Variants in OPRPN observed in about 807,000 individuals in gnomAD.
The protein encoded by OPRPN is basic proline-rich lacrimal protein.
OPRPN carries 1 observed loss-of-function variant against 2.2 expected under a neutral mutation model. That is an observed-to-expected ratio of 0.45 (90% CI 0.16 to 2.15). The LOEUF (loss-of-function observed/expected upper bound fraction) is 2.15. Ranked by LOEUF, OPRPN falls within the 30% of genes most tolerant of loss-of-function variation. OPRPN has a pLI of 0.28. For synonymous variants in OPRPN, 126 were observed against 111.5 expected, an observed-to-expected ratio of 1.13 and a Z score of -0.82; for missense variants, 306 against 297.3, an observed-to-expected ratio of 1.03 and a Z score of -0.21.
intron 2 of OPRPN, among the ~76,000 whole-genome samples, chr4:70,408,863 C>T (rs777608292): frequency 1.3e-5 from 2 of 152,220 alleles, no homozygotes; most frequent in Non-Finnish European, 2.9e-5. Flanking sequence ...ATATCTTCCA[C>T]TGATTTCAGA....
At chr4:70,409,180 C>T (rs576817962) in intron 2 of OPRPN, among the ~76,000 whole-genome samples, 200 bp from the exon 3 acceptor site, 1 of 152,098 alleles carries the variant, frequency 6.6e-6, no homozygotes, top group South Asian at 2.1e-4. Flanking sequence ...CTTTGATTGC[C>T]CAGGCATCCA....
At chr4:70,407,672 T>C (rs897525370) in intron 2 of OPRPN, among the ~76,000 whole-genome samples, 2 of 152,148 alleles carry the variant, frequency 1.3e-5, no homozygotes, top group African/African-American at 4.8e-5. Flanking sequence ...AGGTTAAGAA[T>C]GAGATTCTTT....
intron 2 of OPRPN, among the ~76,000 whole-genome samples, chr4:70,408,218 G>T (rs1214172477): frequency 6.6e-6 from 1 of 152,196 alleles, no homozygotes; most frequent in Non-Finnish European, 1.5e-5. Flanking sequence ...ACACAGGAAG[G>T]AGTTGAATGT....
At chr4:70,406,219 G>A (rs1478924586) in intron 2 of OPRPN, among the ~76,000 whole-genome samples, 2 of 152,108 alleles carry the variant, frequency 1.3e-5, no homozygotes, top group African/African-American at 4.8e-5. Context: ...GCAACAAAAA[G>A]AACAAAGATA....
In OPRPN at chr4:70,409,623, T is replaced by C; in HGVS notation, c.295T>C (p.Phe99Leu). The change falls in exon 3 of 3, where the codon TTT (phenylalanine) becomes CTT (leucine). Residue 99 changes from phenylalanine to leucine, a missense_variant. Physicochemically the swap from Phe to Leu is conservative, Grantham distance 22 (BLOSUM62 0). Transcript: ENST00000399575. ...GGAATCTATTAGACAACCTCGACTC[T>C]TTCCGGGTTATCCAAACCTACATTT... Reference protein sequence around the residue: ...PLESIRQPRLFPGYPNLHFPL... With the variant: ...PLESIRQPRLLPGYPNLHFPL... 1.2e-6 allele frequency: 2 copies of C among 1,614,070 alleles called. No individual in the cohort carries two copies. Among genetic ancestry groups the C allele is most frequent in the Non-Finnish European group, 1.7e-6 (2 of 1,179,928 alleles).
rs185540261 is a variant in OPRPN at position 70,405,234 on chromosome 4, A to T, written c.52-4146A>T. Among the ~76,000 whole-genome samples, 7 of 152,328 alleles carry T rather than the reference A, an allele frequency of 4.6e-5. No individual in the cohort carries two copies. In the East Asian group the frequency reaches 1.3e-3, roughly 29 times the overall value. On this transcript the variant is annotated intron_variant, in intron 2 of 2. Transcript: ENST00000399575. ...TTTTCATCATTTGTCTAGGGTTATA[A>T]TGTTCACTACCATTGGCCAGTGGAG...
rs757268334 is a variant in OPRPN at position 70,409,529 on chromosome 4, A to T, written c.201A>T (p.Pro67=). 5 of 1,613,960 alleles carry T rather than the reference A, an allele frequency of 3.1e-6. No individual in the cohort carries two copies. Among genetic ancestry groups the T allele is most frequent in the Non-Finnish European group, 4.2e-6 (5 of 1,179,950 alleles). Residue 67 remains proline, a synonymous_variant, in exon 3 of 3, where the codon CCA becomes CCT. Transcript: ENST00000399575. ...LNSPLSLPFV[P]GRVPPSSFSR... ...CACCACTTTCTCTTCCCTTTGTCCC[A>T]GGGCGAGTTCCACCATCTTCTTTCT...
rs778024902 is a variant in OPRPN, at chr4:70,409,680, A to C, written c.352A>C (p.Arg118=). Reference sequence around the variant, plus strand: ...AAGACCTTACTATGTAGGACCTATTAGGATATTAAAACCCCCATTTCCTCC... The same window carrying C: ...AAGACCTTACTATGTAGGACCTATTCGGATATTAAAACCCCCATTTCCTCC... ...PLRPYYVGPI[R]ILKPPFPPIP... is the part of the protein sequence containing the mutation. Residue 118 remains arginine (R), a synonymous_variant, in exon 3 of 3, where the codon AGG becomes CGG. Transcript: ENST00000399575. 1 of 1,613,908 alleles carries C rather than the reference A, an allele frequency of 6.2e-7. No individual in the cohort carries two copies. Among genetic ancestry groups the C allele is most frequent in the Non-Finnish European group, 8.5e-7 (1 of 1,179,864 alleles).
chr4:70,403,103 G>A (rs1057210284), intron 2 of OPRPN, among the ~76,000 whole-genome samples: 1 of 152,008 alleles, frequency 6.6e-6, no homozygotes, highest in Non-Finnish European at 1.5e-5. Context: ...TATCTGAATG[G>A]CATCCATAAA....
intron 2 of OPRPN, among the ~76,000 whole-genome samples, chr4:70,400,304 A>G (rs1732948913): frequency 6.6e-6 from 1 of 151,952 alleles, no homozygotes; most frequent in Non-Finnish European, 1.5e-5. Context: ...GAGCAAATAA[A>G]TATCAATAGA....
intron 2 of OPRPN, among the ~76,000 whole-genome samples, chr4:70,400,496 C>T (rs566284561): frequency 4.6e-5 from 7 of 151,928 alleles, no homozygotes; most frequent in South Asian, 2.1e-4. Context: ...ATATCAGAAA[C>T]ACCTGATCCA....
At chr4:70,400,809 ATT>A (rs1005911811) in intron 2 of OPRPN, among the ~76,000 whole-genome samples, 6 of 152,042 alleles carry the variant, frequency 3.9e-5, no homozygotes, top group African/African-American at 1.2e-4. Flanking sequence ...TTTTGGTAGA[ATT>A]CCCCAAATAT....
intron 1 of OPRPN, among the ~76,000 whole-genome samples, chr4:70,398,887 A>G (rs188272916): frequency 6.6e-6 from 1 of 152,056 alleles, no homozygotes; most frequent in East Asian, 1.9e-4. Context: ...TCACAAATCT[A>G]TAGAAATCTG....
chr4:70,403,629 A>G (rs28686906), intron 2 of OPRPN, among the ~76,000 whole-genome samples: 17,476 of 152,166 alleles, frequency 0.11, 1,105 homozygotes, highest in East Asian at 0.21. Flanking sequence ...TATTTTTTCT[A>G]AAGAACATCA....
chr4:70,407,021 C>T (rs532249031), intron 2 of OPRPN, among the ~76,000 whole-genome samples: 1 of 152,112 alleles, frequency 6.6e-6, no homozygotes, highest in Non-Finnish European at 1.5e-5. Context: ...CTTCTCATGG[C>T]AACCCTGCTT....
chr4:70,406,005 T>C (rs1165291274), intron 2 of OPRPN, among the ~76,000 whole-genome samples: 1 of 151,392 alleles, frequency 6.6e-6, no homozygotes, highest in Non-Finnish European at 1.5e-5. Flanking sequence ...GGGACAGAGG[T>C]TGAAGTGAGC....
At chr4:70,400,155 C>A (rs1405564567) in intron 2 of OPRPN, among the ~76,000 whole-genome samples, 2 of 151,864 alleles carry the variant, frequency 1.3e-5, no homozygotes. Flanking sequence ...TATCTCATTT[C>A]TTAGTAATTA....
chr4:70,398,959 A>G (rs982927029), intron 1 of OPRPN, among the ~76,000 whole-genome samples: 6 of 151,912 alleles, frequency 3.9e-5, no homozygotes, highest in Non-Finnish European at 7.4e-5. Context: ...TATGTTCCAA[A>G]GTAGTCACCA....
intron 2 of OPRPN, among the ~76,000 whole-genome samples, chr4:70,401,279 A>T (rs1288116408): frequency 6.6e-6 from 1 of 152,044 alleles, no homozygotes; most frequent in Non-Finnish European, 1.5e-5. Flanking sequence ...GAAAACAAGA[A>T]CCACAAGACA....
Sources: allele counts gnomAD v4.1 joint callset (sites outside exome capture counted in the v4.1 genomes callset), GRCh38; gene constraint gnomAD v4.1.1; transcripts MANE v1.5; gene names NCBI Gene and HGNC (gene_info 2026-07-23, HGNC 2026-07-21).